LRRC8B: variants seen among roughly 807,000 people sequenced by gnomAD.
LRRC8B encodes leucine rich repeat containing 8 VRAC subunit B, also known as volume-regulated anion channel subunit LRRC8B.
Under a neutral mutation model 58.8 loss-of-function variants are expected in LRRC8B, and 23 were observed. The ratio of observed to expected loss-of-function variants is 0.39; its 90% CI spans 0.28 to 0.55. The LOEUF is 0.55. Among genes scored for constraint, LRRC8B ranks in the 20% least tolerant of loss-of-function variants. The pLI is 0.62. For synonymous variants in LRRC8B, 359 were observed against 374.1 expected (o/e 0.96, Z 0.47); for missense variants, 694 against 936.0 (o/e 0.74, Z 3.37).
intron 3 of LRRC8B, chr1:89,572,513 C>T (rs995941637): frequency 2.0e-5 from 3 of 152,172 alleles, no homozygotes; most frequent in East Asian, 1.9e-4. Flanking sequence ...TTTATATAAT[C>T]CCATATTTCT....
intron 3 of LRRC8B, among the ~76,000 whole-genome samples, chr1:89,577,997 C>A (rs927484718): frequency 6.6e-6 from 1 of 152,124 alleles, no homozygotes. Context: ...GTATGAGGAC[C>A]TAAGTTCCAG....
intron 3 of LRRC8B, among the ~76,000 whole-genome samples, chr1:89,570,626 T>G (rs1020652579): frequency 7.9e-5 from 12 of 152,254 alleles, no homozygotes; most frequent in Non-Finnish European, 1.3e-4. Flanking sequence ...CTTAGTCAGA[T>G]GCATAGTTTG....
chr1:89,556,693 C>G (rs1017481774), intron 1 of LRRC8B, among the ~76,000 whole-genome samples: 1 of 152,194 alleles, frequency 6.6e-6, no homozygotes, highest in African/African-American at 2.4e-5. Flanking sequence ...CATTCTCCCT[C>G]TCCAGCTGAG....
intron 1 of LRRC8B, among the ~76,000 whole-genome samples, chr1:89,560,272 A>G (rs1202712286): frequency 3.3e-5 from 5 of 152,168 alleles, no homozygotes; most frequent in Non-Finnish European, 7.3e-5. Flanking sequence ...TGAACATCTA[A>G]TCACATTACT....
At chr1:89,525,574 G>T (rs183964770) in intron 1 of LRRC8B, among the ~76,000 whole-genome samples, 1 of 152,336 alleles carries the variant, frequency 6.6e-6, no homozygotes, top group East Asian at 1.9e-4. Context: ...GTTGGGCGTT[G>T]ATTTGTTTGA....
At chr1:89,555,522 T>C (rs1652120984) in intron 1 of LRRC8B, among the ~76,000 whole-genome samples, 1 of 152,142 alleles carries the variant, frequency 6.6e-6, no homozygotes, top group African/African-American at 2.4e-5. Context: ...CTGGGGTGCA[T>C]TGATAAGCAT....
intron 1 of LRRC8B, among the ~76,000 whole-genome samples, chr1:89,560,552 A>T (rs1278589415): frequency 9.4e-6 from 1 of 106,632 alleles, no homozygotes; most frequent in Admixed American, 1.1e-4. Context: ...CCACCCCACC[A>T]CAGTCCCCAG....
chr1:89,550,393 A>G (rs1167625564), intron 1 of LRRC8B, among the ~76,000 whole-genome samples: 1 of 152,148 alleles, frequency 6.6e-6, no homozygotes, highest in African/African-American at 2.4e-5. Context: ...GACTGGATTA[A>G]GTCACTCCCT....
chr1:89,526,164 C>G (rs936296742), intron 1 of LRRC8B, among the ~76,000 whole-genome samples: 2 of 152,176 alleles, frequency 1.3e-5, no homozygotes, highest in African/African-American at 4.8e-5. Flanking sequence ...TTCCAGTACC[C>G]TCTATGTGTA....
chr1:89,528,753 C>T (rs1256288229), intron 1 of LRRC8B, among the ~76,000 whole-genome samples: 1 of 152,162 alleles, frequency 6.6e-6, no homozygotes, highest in East Asian at 1.9e-4. Flanking sequence ...ATGAGGCCCT[C>T]AGCTTCATGA....
intron 1 of LRRC8B, among the ~76,000 whole-genome samples, chr1:89,541,583 C>T (rs1338243362): frequency 2.0e-5 from 3 of 149,076 alleles, no homozygotes; most frequent in Non-Finnish European, 4.5e-5. Context: ...TAGTGGCGGG[C>T]GCCTGTAGTC....
At chr1:89,542,759 ATACTT>A (rs1364631983) in intron 1 of LRRC8B, among the ~76,000 whole-genome samples, 3 of 152,242 alleles carry the variant, frequency 2.0e-5, no homozygotes, top group African/African-American at 7.2e-5. Flanking sequence ...ACTTATAAAA[ATACTT>A]AACATAAAGT....
At chr1:89,592,123 A>C (rs1655017101) in intron 5 of LRRC8B, among the ~76,000 whole-genome samples, 1 of 152,166 alleles carries the variant, frequency 6.6e-6, no homozygotes, top group Non-Finnish European at 1.5e-5. Flanking sequence ...AATTTGCATA[A>C]TATTTATTAT....
intron 1 of LRRC8B, among the ~76,000 whole-genome samples, chr1:89,543,252 A>T (rs1040206980): frequency 1.4e-4 from 22 of 152,204 alleles, no homozygotes; most frequent in African/African-American, 5.1e-4. Context: ...AGACATGTAG[A>T]CTATAACCTT....
At chr1:89,557,670 C>A (rs921841261) in intron 1 of LRRC8B, among the ~76,000 whole-genome samples, 4 of 152,222 alleles carry the variant, frequency 2.6e-5, no homozygotes, top group Admixed American at 2.0e-4. Context: ...TTCTCACTCT[C>A]ACTAGTGCGA....
chr1:89,565,891 C>T (rs909439837), intron 1 of LRRC8B, among the ~76,000 whole-genome samples: 7 of 152,196 alleles, frequency 4.6e-5, no homozygotes, highest in South Asian at 2.1e-4. Context: ...AGCACTGTAT[C>T]GAAAAAGAGT....
intron 3 of LRRC8B, among the ~76,000 whole-genome samples, chr1:89,579,261 G>A (rs1324159786): frequency 6.6e-6 from 1 of 152,212 alleles, no homozygotes; most frequent in Admixed American, 6.5e-5. Context: ...TGTTTAAATT[G>A]CTGTGGGAAC....
rs1304051576 is a variant in LRRC8B, at chr1:89,597,209, C to T, written c.*4166C>T. On this transcript the variant is annotated 3_prime_UTR_variant, in exon 6 of 6. Coordinates refer to ENST00000330947, the MANE Select transcript of LRRC8B (RefSeq NM_001369817.2). ...TCTACTACATACCTTTGGTAACAGG[C>T]TACATTCTCTTCAGATTTTTTATAT... is the stretch of plus-strand genomic sequence containing the variant. 4.6e-5 allele frequency: 7 copies of T among 152,156 alleles called. No homozygotes were observed. Among genetic ancestry groups the T allele is most frequent in the Non-Finnish European group, 1.0e-4 (7 of 68,022 alleles). 9.4% of individuals were successfully genotyped at this position (152,156 alleles called of 1,614,324 possible). A position where few individuals can be genotyped will look rare whatever the true frequency, so the allele number is the denominator to read the frequency against.
intron 5 of LRRC8B, among the ~76,000 whole-genome samples, chr1:89,586,344 T>A (rs938431667): frequency 6.6e-6 from 1 of 152,232 alleles, no homozygotes; most frequent in Non-Finnish European, 1.5e-5. Flanking sequence ...GTGATTAATA[T>A]TAATATTTTG....
Sources: gnomAD v4.1 joint callset for allele counts (sites outside exome capture counted in the v4.1 genomes callset) on GRCh38, gnomAD v4.1.1 for gene constraint, MANE v1.5 for transcripts, NCBI Gene and HGNC (gene_info 2026-07-23, HGNC 2026-07-21) for gene names.